The following SH3YL1 variants were observed in gnomAD, a reference collection of about 807,000 sequenced individuals.
SH3YL1 encodes the protein SH3 and SYLF domain containing 1, also known as SH3 domain-containing YSC84-like protein 1.
SH3YL1 carries 41 observed loss-of-function variants against 45.8 expected under a neutral mutation model. The ratio of observed to expected loss-of-function variants is 0.89; its 90% CI spans 0.70 to 1.16. The LOEUF (loss-of-function observed/expected upper bound fraction) is 1.16. SH3YL1 is among the 50% of genes most tolerant of loss of function. The probability of loss-of-function intolerance (pLI) is 0.00; values close to 1 mark genes in which losing one functional copy is unlikely to be tolerated. For synonymous variants in SH3YL1, 152 were observed against 151.4 expected (o/e 1.00, Z -0.03); for missense variants, 389 against 409.6 (o/e 0.95, Z 0.43).
At chr2:263,827 A>C in intron 1 of SH3YL1, 157 bp downstream of exon 1, 1 of 591,702 alleles carries the variant, frequency 1.7e-6, no homozygotes, top group South Asian at 2.0e-5. Context: ...AAGTCCTGGA[A>C]GCTGCTCTAT....
At chr2:252,027 G>A (rs1262091937) in intron 2 of SH3YL1, among the ~76,000 whole-genome samples, 2 of 152,172 alleles carry the variant, frequency 1.3e-5, no homozygotes, top group Non-Finnish European at 2.9e-5. Flanking sequence ...GAAATAACTA[G>A]AAGTGGTGAT....
intron 4 of SH3YL1, chr2:243,531 T>C (rs1668638652): frequency 1.3e-6 from 2 of 1,542,844 alleles, no homozygotes; most frequent in African/African-American, 1.4e-5. Context: ...GCCAGGGCAA[T>C]GCTCAGAGGG....
At chr2:237,088 C>G (rs544380615) in intron 4 of SH3YL1, among the ~76,000 whole-genome samples, 14 of 151,600 alleles carry the variant, frequency 9.2e-5, no homozygotes, top group Non-Finnish European at 1.5e-4. Flanking sequence ...TAACCTGTAT[C>G]TTGTATGTAT....
chr2:249,234 G>GA (rs1480442044), intron 3 of SH3YL1, among the ~76,000 whole-genome samples: 28 of 152,302 alleles, frequency 1.8e-4, no homozygotes, highest in East Asian at 7.7e-4. Flanking sequence ...ATCCCAGAAA[G>GA]TAAAACTCGA....
chr2:257,544 A>G (rs1669395871), intron 1 of SH3YL1, among the ~76,000 whole-genome samples: 1 of 152,218 alleles, frequency 6.6e-6, no homozygotes. Context: ...CCATACTTCA[A>G]CCACTCATAC....
intron 4 of SH3YL1, chr2:241,660 T>A (rs1351740025): frequency 2.0e-5 from 3 of 152,084 alleles, no homozygotes; most frequent in Admixed American, 1.3e-4. Context: ...GAAAAATGAC[T>A]CATCACATAA....
At chr2:229,525 C>T (rs992015423) in intron 8 of SH3YL1, among the ~76,000 whole-genome samples, 3 of 151,830 alleles carry the variant, frequency 2.0e-5, no homozygotes, top group South Asian at 2.1e-4. Context: ...GTCAGGAGAT[C>T]GAGACCATCC....
chr2:227,889 ATGTG>A lies in SH3YL1; in HGVS notation c.781+2073_781+2076del, dbSNP rs3070147. On this transcript the variant is annotated intron_variant, in intron 8 of 9. Coordinates refer to ENST00000356150, the MANE Select transcript of SH3YL1 (RefSeq NM_015677.4). ...AGCATACGTGCATTTCCATAAAATT[ATGTG>A]TGTGTGTGTGTGTGTGTAAGGATAT... Among the ~76,000 whole-genome samples, 1,017 of 150,782 alleles carry A rather than the reference ATGTG, an allele frequency of 6.7e-3. 4 individuals are homozygous for A. Among genetic ancestry groups the A allele is most frequent in the Non-Finnish European group, 0.01 (681 of 67,636 alleles).
intron 4 of SH3YL1, among the ~76,000 whole-genome samples, chr2:243,855 C>T (rs1668654174): frequency 6.6e-6 from 1 of 152,108 alleles, no homozygotes; most frequent in Non-Finnish European, 1.5e-5. Flanking sequence ...GTTTTGCCTA[C>T]CTTGTATAGT....
chr2:229,902 TTAA>T (rs759291895), intron 8 of SH3YL1, 61 bp downstream of exon 8: 37 of 1,301,720 alleles, frequency 2.8e-5, no homozygotes, highest in Non-Finnish European at 3.8e-5. Context: ...TCTTGATTTC[TTAA>T]TGATAACATT....
rs954313018 is a variant in SH3YL1, at chr2:218,544, T to C, written c.*267A>G. ...CATGGCCAGATCAAATGCTTAGCGA[T>C]GTTTGAAGTGTTCACAAGAGAACTA... On this transcript the variant is annotated 3_prime_UTR_variant, in exon 10 of 10. Coordinates refer to ENST00000356150, the MANE Select transcript of SH3YL1 (RefSeq NM_015677.4). 2 of 308,248 alleles carry C rather than the reference T, an allele frequency of 6.5e-6. No homozygotes were observed. Among genetic ancestry groups the C allele is most frequent in the Non-Finnish European group, 1.2e-5 (2 of 171,382 alleles). 19.1% of individuals were successfully genotyped at this position (308,248 alleles called of 1,614,324 possible).
At chr2:221,995 G>C (rs1667600893) in intron 9 of SH3YL1, among the ~76,000 whole-genome samples, 1 of 152,130 alleles carries the variant, frequency 6.6e-6, no homozygotes, top group Non-Finnish European at 1.5e-5. Context: ...TAAAAGGTGA[G>C]TCAAGTAATG....
At chr2:246,604 A>G (rs1328518640) in intron 4 of SH3YL1, among the ~76,000 whole-genome samples, 2 of 130,848 alleles carry the variant, frequency 1.5e-5, no homozygotes, top group Admixed American at 8.0e-5. Context: ...AAAGGGGAAG[A>G]GAGGGGAGGG....
chr2:232,526 T>G (rs1170793191), intron 6 of SH3YL1, among the ~76,000 whole-genome samples: 1 of 152,032 alleles, frequency 6.6e-6, no homozygotes. Context: ...ATATGCCATG[T>G]TGGTGTGCTG....
At chr2:255,580 G>T (rs3924770) in intron 1 of SH3YL1, among the ~76,000 whole-genome samples, 2 of 152,092 alleles carry the variant, frequency 1.3e-5, no homozygotes, top group Admixed American at 6.6e-5. Context: ...CTGGGCAACA[G>T]GGCAAAGCCC....
intron 7 of SH3YL1, chr2:230,323 G>T (rs1021235541): frequency 7.9e-6 from 2 of 254,218 alleles, no homozygotes; most frequent in Non-Finnish European, 1.5e-5. Context: ...CTGCAGGGAC[G>T]GTGGTGTAGT....
At chr2:226,243 T>C (rs144639455) in intron 8 of SH3YL1, among the ~76,000 whole-genome samples, 2,895 of 152,244 alleles carry the variant, frequency 0.019, 39 homozygotes, top group Admixed American at 0.047. Flanking sequence ...AGTAAAATTA[T>C]GAAAAACAAG....
intron 4 of SH3YL1, chr2:243,446 A>G: frequency 1.4e-6 from 2 of 1,451,510 alleles, no homozygotes; most frequent in Non-Finnish European, 1.8e-6. Context: ...CAAAGAAGAA[A>G]TCACATGAGA....
At chr2:264,039 G>T, upstream of SH3YL1, 2 of 1,374,528 alleles carry the variant, frequency 1.5e-6, no homozygotes, top group Non-Finnish European at 1.9e-6. Flanking sequence ...AGAGGAAGGC[G>T]CGCTGCCCCG....
Sources: allele counts gnomAD v4.1 joint callset (sites outside exome capture counted in the v4.1 genomes callset), GRCh38; gene constraint gnomAD v4.1.1; transcripts MANE v1.5; gene names NCBI Gene and HGNC (gene_info 2026-07-23, HGNC 2026-07-21).